The following SPAG16 variants were observed in gnomAD, a reference collection of about 807,000 sequenced individuals.
SPAG16 encodes the protein sperm associated antigen 16.
Under a neutral mutation model 80.4 loss-of-function variants are expected in SPAG16, and 86 were observed. The observed-to-expected ratio is 1.07, with a 90% CI of 0.90 to 1.28. The LOEUF is 1.28. Ranked by LOEUF, SPAG16 falls within the 50% of genes most tolerant of loss-of-function variation. The pLI, the probability that SPAG16 is intolerant of heterozygous loss-of-function variation, is 0.00. For synonymous variants in SPAG16, 294 were observed against 265.9 expected (o/e 1.11, Z -1.03); for missense variants, 870 against 765.3 (o/e 1.14, Z -1.61).
chr2:214,111,882 A>G (rs781759924), intron 14 of SPAG16, among the ~76,000 whole-genome samples: 5 of 152,020 alleles, frequency 3.3e-5, no homozygotes, highest in African/African-American at 4.8e-5. Context: ...ATCTTTTTAT[A>G]ACTATTGTGA....
chr2:214,345,811 C>T (rs1173835445), intron 15 of SPAG16, among the ~76,000 whole-genome samples: 1 of 152,118 alleles, frequency 6.6e-6, no homozygotes, highest in African/African-American at 2.4e-5. Flanking sequence ...AATAAAAGCA[C>T]ATCATATATA....
At chr2:213,903,538 A>G (rs2077308168) in intron 11 of SPAG16, among the ~76,000 whole-genome samples, 1 of 152,128 alleles carries the variant, frequency 6.6e-6, no homozygotes, top group African/African-American at 2.4e-5. Context: ...TGCAAACAGC[A>G]TGGGGACCCT....
intron 10 of SPAG16, among the ~76,000 whole-genome samples, chr2:213,813,525 A>G (rs2072311139): frequency 1.3e-5 from 2 of 152,124 alleles, no homozygotes. Flanking sequence ...AGCAAAAGCT[A>G]TCTTCTGCTA....
chr2:213,425,126 A>G (rs903848542), intron 9 of SPAG16, among the ~76,000 whole-genome samples: 4 of 150,160 alleles, frequency 2.7e-5, no homozygotes, highest in Non-Finnish European at 5.9e-5. Flanking sequence ...GATTGAGACC[A>G]TCCTGGCTAA....
In SPAG16 at chr2:213,388,385, G is replaced by A. The variant is rs568564350; in HGVS notation, c.942+13266G>A. Among the ~76,000 whole-genome samples the A allele has an allele frequency of 2.6e-5, 4 of 152,186 alleles. No homozygotes were observed. The South Asian group carries it at 6.2e-4, about 24-fold the overall frequency. ...GGCCAAGTCTCCTTTTCCCACCTTC[G>A]TTTTTCTCATTCCCCACTTTGGGGA... On this transcript the variant is annotated intron_variant, in intron 9 of 15. Transcript: ENST00000331683.
intron 10 of SPAG16, among the ~76,000 whole-genome samples, chr2:213,550,640 A>G (rs1457411947): frequency 1.3e-5 from 2 of 152,076 alleles, no homozygotes; most frequent in African/African-American, 4.8e-5. Flanking sequence ...GATCTACAAA[A>G]TTCCTTTAAA....
chr2:213,733,394 G>A (rs1251755540), intron 10 of SPAG16, among the ~76,000 whole-genome samples: 2 of 152,118 alleles, frequency 1.3e-5, no homozygotes, highest in Non-Finnish European at 2.9e-5. Context: ...TTGGGAGGAG[G>A]AATATCCCAA....
chr2:213,441,114 A>G (rs1293848250), intron 9 of SPAG16, among the ~76,000 whole-genome samples: 1 of 152,238 alleles, frequency 6.6e-6, no homozygotes, highest in Non-Finnish European at 1.5e-5. Context: ...ATTATAATAC[A>G]GCAATTCCAC....
intron 9 of SPAG16, among the ~76,000 whole-genome samples, chr2:213,461,546 A>ATTCTT (rs2072363222): frequency 6.6e-6 from 1 of 152,198 alleles, no homozygotes; most frequent in Non-Finnish European, 1.5e-5. Context: ...AAACAATGAA[A>ATTCTT]CTTATAATAA....
chr2:213,486,862 A>C (rs1368246903), intron 9 of SPAG16, among the ~76,000 whole-genome samples: 1 of 152,100 alleles, frequency 6.6e-6, no homozygotes, highest in Non-Finnish European at 1.5e-5. Context: ...TTAACATGCC[A>C]CTAGTTGCAG....
chr2:214,066,856 T>C (rs2050554609), intron 13 of SPAG16, among the ~76,000 whole-genome samples: 1 of 152,180 alleles, frequency 6.6e-6, no homozygotes, highest in Non-Finnish European at 1.5e-5. Flanking sequence ...ACATCAAAAT[T>C]ATTCTTTGAT....
At chr2:214,263,455 A>G (rs889291970) in intron 15 of SPAG16, among the ~76,000 whole-genome samples, 4 of 152,180 alleles carry the variant, frequency 2.6e-5, no homozygotes, top group Non-Finnish European at 4.4e-5. Flanking sequence ...ATATCTTTAT[A>G]TCAGTCTTGC....
chr2:213,333,816 T>C (rs1220803451), intron 5 of SPAG16, among the ~76,000 whole-genome samples: 1 of 152,142 alleles, frequency 6.6e-6, no homozygotes, highest in African/African-American at 2.4e-5. Flanking sequence ...AGAATCAAAC[T>C]GGAATACTAT....
At position 214,373,312 on chromosome 2, in the gene SPAG16, G is replaced by T. The variant is rs183357922; in HGVS notation, c.1721-36828G>T. 1.2e-3 allele frequency among the ~76,000 whole-genome samples: 183 copies of T among 152,168 alleles called. 2 individuals are homozygous for T. Among genetic ancestry groups the T allele is most frequent in the Non-Finnish European group, 1.0e-3 (68 of 67,998 alleles). On this transcript the variant is annotated intron_variant, in intron 15 of 15. Coordinates refer to ENST00000331683, the MANE Select transcript of SPAG16 (RefSeq NM_024532.5). The stretch of plus-strand genomic sequence containing the variant: ...GGCAAAGCAAAAATATAGAATTACA[G>T]TTTTCCTTTCATGATGCTACTGATT...
chr2:213,585,524 ACCATGGCCTC>A (rs1275120798), intron 10 of SPAG16, among the ~76,000 whole-genome samples: 1 of 152,088 alleles, frequency 6.6e-6, no homozygotes, highest in African/African-American at 2.4e-5. Flanking sequence ...TGATCTGCTC[ACCATGGCCTC>A]CCAAAGTTCT....
chr2:213,439,164 G>A (rs1488756058), intron 9 of SPAG16, among the ~76,000 whole-genome samples: 1 of 152,174 alleles, frequency 6.6e-6, no homozygotes, highest in African/African-American at 2.4e-5. Context: ...GTAACTGTGA[G>A]ATGATAAATT....
intron 13 of SPAG16, among the ~76,000 whole-genome samples, chr2:214,075,555 TGTAA>T (rs1234977681): frequency 6.6e-6 from 1 of 152,152 alleles, no homozygotes; most frequent in Non-Finnish European, 1.5e-5. Flanking sequence ...AGCACTTTGC[TGTAA>T]GTATGTTATA....
chr2:213,328,203 A>C (rs2063925232), intron 5 of SPAG16, among the ~76,000 whole-genome samples: 1 of 152,150 alleles, frequency 6.6e-6, no homozygotes, highest in Admixed American at 6.5e-5. Context: ...TTTTTAGATA[A>C]ACTCATTCAA....
intron 9 of SPAG16, among the ~76,000 whole-genome samples, chr2:213,383,308 A>G (rs1222955735): frequency 6.6e-6 from 1 of 152,168 alleles, no homozygotes; most frequent in Non-Finnish European, 1.5e-5. Flanking sequence ...CCCCAACATG[A>G]TGCTAAGATT....
Sources: allele counts gnomAD v4.1 joint callset (sites outside exome capture counted in the v4.1 genomes callset), GRCh38; gene constraint gnomAD v4.1.1; transcripts MANE v1.5; gene names NCBI Gene and HGNC (gene_info 2026-07-23, HGNC 2026-07-21).